RALGAPB: variants seen among roughly 807,000 people sequenced by gnomAD.
RALGAPB encodes the protein Ral GTPase activating protein non-catalytic subunit beta.
Under a neutral mutation model 161.1 loss-of-function variants are expected in RALGAPB, and 25 were observed. That is an observed-to-expected ratio of 0.16 (90% CI 0.11 to 0.22). The LOEUF (loss-of-function observed/expected upper bound fraction) is 0.22. Ranked by LOEUF, RALGAPB falls within the 10% of genes least tolerant of loss-of-function variation. RALGAPB has a pLI of 1.00. For missense variants in RALGAPB, 1,391 were observed against 1,815.2 expected, an observed-to-expected ratio of 0.77 and a Z score of 4.25; for synonymous variants, 629 against 626.1, an observed-to-expected ratio of 1.00 and a Z score of -0.07.
intron 6 of RALGAPB, among the ~76,000 whole-genome samples, chr20:38,514,278 C>A (rs918788822): frequency 6.6e-5 from 10 of 152,206 alleles, no homozygotes; most frequent in African/African-American, 2.2e-4. Context: ...CTCCAGCAGG[C>A]TTGCTCCTGG....
At chr20:38,565,519 T>A (rs766858488) in intron 25 of RALGAPB, 41 bp downstream of exon 25, 8 of 1,602,812 alleles carry the variant, frequency 5.0e-6, no homozygotes, top group Non-Finnish European at 8.5e-7. Context: ...GGATCTATTT[T>A]TATATTCCTG....
At chr20:38,510,159 CACACACAG>C (rs1247606792) in intron 6 of RALGAPB, among the ~76,000 whole-genome samples, 39 of 150,644 alleles carry the variant, frequency 2.6e-4, no homozygotes, top group Admixed American at 6.6e-4. Flanking sequence ...CACACACACA[CACACACAG>C]ACACACGCAT....
intron 5 of RALGAPB, among the ~76,000 whole-genome samples, chr20:38,503,888 A>G (rs923518956): frequency 6.6e-6 from 1 of 152,188 alleles, no homozygotes; most frequent in Non-Finnish European, 1.5e-5. Flanking sequence ...GCAGCCATCA[A>G]TGAGGCAATA....
chr20:38,570,663 T>TA (rs1361291783), intron 27 of RALGAPB, 106 bp from the exon 28 acceptor site: 1 of 675,872 alleles, frequency 1.5e-6, no homozygotes, highest in Admixed American at 2.4e-5. Flanking sequence ...GCACAGTCCA[T>TA]ATATTTGCCA....
intron 1 of RALGAPB, among the ~76,000 whole-genome samples, chr20:38,479,252 GT>G (rs1416294415): frequency 6.6e-6 from 1 of 152,174 alleles, no homozygotes; most frequent in Non-Finnish European, 1.5e-5. Flanking sequence ...GGTGTTTAAT[GT>G]TTGTTTAATG....
Position 38,562,607 on chromosome 20 carries a change from G to C in RALGAPB, c.3607G>C (p.Val1203Leu). Reference protein sequence around the residue: ...LEFLLSLGWSVDVGRHPGWTG... With the variant: ...LEFLLSLGWSLDVGRHPGWTG... ...ATTTTTGCTTTCCCTTGGCTGGTCA[G>C]TAGATGTGGGCAGACACCCTGGTTG... Residue 1203 changes from valine to leucine, a missense_variant, in exon 24 of 30, where the codon GTA becomes CTA. Val to Leu is a conservative substitution (Grantham distance 32). Around this residue, in one of 3 missense-constraint regions of RALGAPB, gnomAD observed 436 missense variants for 527.0 expected, o/e 0.83. Transcript: ENST00000262879. The C allele has an allele frequency of 6.2e-7, 1 of 1,613,934 alleles. No individual in the cohort carries two copies. The highest frequency in any genetic ancestry group is 8.5e-7 in the Non-Finnish European group (1 of 1,179,814).
At chr20:38,573,564 G>GT (rs1271291259) in intron 28 of RALGAPB, 1 of 152,200 alleles carries the variant, frequency 6.6e-6, no homozygotes, top group Non-Finnish European at 1.5e-5. Flanking sequence ...CCCTGCCACA[G>GT]TGCGGCCATT....
At chr20:38,520,042 T>TA (rs1343673534) in intron 9 of RALGAPB, among the ~76,000 whole-genome samples, 1 of 152,214 alleles carries the variant, frequency 6.6e-6, no homozygotes, top group Non-Finnish European at 1.5e-5. Flanking sequence ...TTTTGCATGA[T>TA]ACAAAAATCA....
chr20:38,473,149 G>A (rs2084699485), intron 1 of RALGAPB, 80 bp downstream of exon 1: 2 of 328,694 alleles, frequency 6.1e-6, no homozygotes, highest in Admixed American at 4.9e-5. Flanking sequence ...TCAAGGGACG[G>A]CTGAGGCTTG....
intron 5 of RALGAPB, among the ~76,000 whole-genome samples, chr20:38,506,877 TTAAAC>T (rs1265137699): frequency 2.6e-5 from 4 of 152,198 alleles, no homozygotes; most frequent in Non-Finnish European, 5.9e-5. Flanking sequence ...TTATTATTAT[TTAAAC>T]TAAAAAATGA....
At chr20:38,474,059 C>T (rs1457094377) in intron 1 of RALGAPB, among the ~76,000 whole-genome samples, 2 of 152,204 alleles carry the variant, frequency 1.3e-5, no homozygotes, top group African/African-American at 4.8e-5. Context: ...ATGGAATTCT[C>T]TGCAGGGATT....
At chr20:38,574,702 C>T in intron 29 of RALGAPB, 72 bp from the exon 30 acceptor site, 12 of 1,423,184 alleles carry the variant, frequency 8.4e-6, no homozygotes, top group South Asian at 1.2e-5. Context: ...GAATAGTTCA[C>T]CTGAATACTT....
At chr20:38,496,714 G>T (rs950061018) in intron 3 of RALGAPB, among the ~76,000 whole-genome samples, 15 of 152,142 alleles carry the variant, frequency 9.9e-5, no homozygotes, top group Non-Finnish European at 1.9e-4. Context: ...TTGTTCCGGG[G>T]TATCCTGGGA....
intron 1 of RALGAPB, among the ~76,000 whole-genome samples, chr20:38,485,108 A>G (rs1203852707): frequency 6.6e-6 from 1 of 152,226 alleles, no homozygotes; most frequent in Admixed American, 6.5e-5. Context: ...TCAGTCTATT[A>G]AAATAGCACA....
At chr20:38,539,731 T>C (rs1437847234) in intron 16 of RALGAPB, 45 bp from the exon 17 acceptor site, 1 of 1,585,894 alleles carries the variant, frequency 6.3e-7, no homozygotes. Flanking sequence ...ATTGGTACAG[T>C]AATTCCTGGC....
intron 5 of RALGAPB, among the ~76,000 whole-genome samples, chr20:38,501,049 G>T (rs578199169): frequency 6.6e-6 from 1 of 152,208 alleles, no homozygotes; most frequent in African/African-American, 2.4e-5. Flanking sequence ...GAAGCAGCAA[G>T]TGTGATGGAG....
At chr20:38,534,569 ATTAAATG>A (rs1262223159) in intron 15 of RALGAPB, among the ~76,000 whole-genome samples, 1 of 152,226 alleles carries the variant, frequency 6.6e-6, no homozygotes, top group Non-Finnish European at 1.5e-5. Flanking sequence ...ATCCTGGAGA[ATTAAATG>A]TTAAAGTATG....
chr20:38,534,096 G>A (rs571933154), intron 15 of RALGAPB, among the ~76,000 whole-genome samples: 26 of 140,234 alleles, frequency 1.9e-4, no homozygotes, highest in Admixed American at 3.1e-4. Context: ...CCAAGATTGC[G>A]CCACTGTACT....
At chr20:38,475,392 A>C (rs983001785) in intron 1 of RALGAPB, among the ~76,000 whole-genome samples, 1 of 152,150 alleles carries the variant, frequency 6.6e-6, no homozygotes, top group Non-Finnish European at 1.5e-5. Context: ...CCATTGCCCC[A>C]TTTGCCATAT....
Sources: allele counts gnomAD v4.1 joint callset (sites outside exome capture counted in the v4.1 genomes callset), GRCh38; gene constraint gnomAD v4.1.1; regional missense constraint gnomAD v4.1.1; transcripts MANE v1.5; gene names NCBI Gene and HGNC (gene_info 2026-07-23, HGNC 2026-07-21).